PHF24: variants seen among roughly 807,000 people sequenced by gnomAD.
PHF24 encodes Galpha inhibitory interacting protein.
PHF24 carries 25 observed loss-of-function variants against 42.6 expected under a neutral mutation model. The observed-to-expected ratio is 0.59, with a 90% CI of 0.43 to 0.82. The LOEUF is 0.82. Among genes scored for constraint, PHF24 ranks in the 40% least tolerant of loss-of-function variants. PHF24 has a pLI of 0.00. For synonymous variants in PHF24, 185 were observed against 204.8 expected, an observed-to-expected ratio of 0.90 and a Z score of 0.83; for missense variants, 470 against 538.1, an observed-to-expected ratio of 0.87 and a Z score of 1.25.
chr9:34,785,572 G>A, the PHF24 span, among the ~76,000 whole-genome samples: 6 of 152,108 alleles, frequency 3.9e-5, no homozygotes, highest in Non-Finnish European at 8.8e-5. Context: ...ATAAGTTTGT[G>A]TTTTTCCAAG....
At chr9:34,747,722 T>G in the PHF24 span, among the ~76,000 whole-genome samples, 32 of 152,182 alleles carry the variant, frequency 2.1e-4, no homozygotes, top group African/African-American at 7.0e-4. Flanking sequence ...GTACAACCAC[T>G]ATAGAAAACT....
At chr9:34,926,127 C>A in the PHF24 span, among the ~76,000 whole-genome samples, 2 of 152,214 alleles carry the variant, frequency 1.3e-5, no homozygotes, top group African/African-American at 4.8e-5. This position sits in a 1 kb window ranked among gnomAD's most constrained non-coding sequence, Gnocchi z 4.3. Flanking sequence ...GGTGGTGCAA[C>A]TTTGCCAGGG....
the PHF24 span, among the ~76,000 whole-genome samples, chr9:34,848,916 T>C: frequency 6.6e-6 from 1 of 152,086 alleles, no homozygotes; most frequent in Non-Finnish European, 1.5e-5. Context: ...CGGTTTTGAG[T>C]GAGTTTCTTA....
At chr9:34,745,506 C>T in the PHF24 span, among the ~76,000 whole-genome samples, 7 of 151,524 alleles carry the variant, frequency 4.6e-5, no homozygotes, top group South Asian at 6.3e-4. Flanking sequence ...AAAATACTGA[C>T]GGGAATGATG....
At chr9:34,833,830 A>T in the PHF24 span, 2 of 1,551,456 alleles carry the variant, frequency 1.3e-6, no homozygotes. Context: ...TCTAAATCAG[A>T]GGCTCTGCTG....
At chr9:34,737,842 G>T in the PHF24 span, among the ~76,000 whole-genome samples, 1 of 152,162 alleles carries the variant, frequency 6.6e-6, no homozygotes, top group Non-Finnish European at 1.5e-5. Flanking sequence ...GTCATCATGA[G>T]ATGGTGTCTG....
chr9:34,728,197 G>A, the PHF24 span: 1 of 882,762 alleles, frequency 1.1e-6, no homozygotes, highest in Non-Finnish European at 1.7e-6. Context: ...ATCCTGAAAA[G>A]TCCGTACTCT....
the PHF24 span, among the ~76,000 whole-genome samples, chr9:34,737,302 CT>C: frequency 1.3e-5 from 2 of 152,152 alleles, no homozygotes; most frequent in Non-Finnish European, 2.9e-5. Context: ...AATATGTGAC[CT>C]TTTGCACCTG....
the PHF24 span, among the ~76,000 whole-genome samples, chr9:34,866,210 AAT>A: frequency 6.6e-5 from 10 of 152,190 alleles, no homozygotes; most frequent in Non-Finnish European, 1.3e-4. Context: ...TCTTTGGAAT[AAT>A]GATAATTCTT....
At chr9:34,731,944 G>A in the PHF24 span, among the ~76,000 whole-genome samples, 4 of 151,692 alleles carry the variant, frequency 2.6e-5, no homozygotes, top group Non-Finnish European at 5.9e-5. Flanking sequence ...TCAACCTCCT[G>A]GACTCAAGCA....
chr9:34,892,999 G>A, the PHF24 span: 4 of 776,440 alleles, frequency 5.2e-6, no homozygotes, highest in African/African-American at 5.1e-5. Context: ...GGCAAGAGGA[G>A]CCCTGTGATG....
At position 34,976,669 on chromosome 9, in the gene PHF24, C is replaced by T; in HGVS notation, c.778C>T (p.Arg260Ter). 6.2e-7 allele frequency: 1 copy of T among 1,614,178 alleles called. No individual in the cohort carries two copies. Residue 260 changes from arginine to a stop codon, truncating the protein, a stop_gained, in exon 5 of 8, where the codon CGA becomes TGA. Transcript: ENST00000242315. LOFTEE classifies it high-confidence loss of function. ...GTTTGCTGCCCTGGACCCTGAACAT[C>T]GAGGCCACATAGAGTGGCCTGACTT...
chr9:34,757,754 T>C, the PHF24 span, among the ~76,000 whole-genome samples: 39 of 152,290 alleles, frequency 2.6e-4, no homozygotes, highest in South Asian at 3.7e-3. Context: ...TAGGCTGTAA[T>C]AGTTTATGGA....
In PHF24 at chr9:34,976,276, T is replaced by G. The variant is rs761955797; in HGVS notation, c.643+46T>G. 55 of 1,484,424 alleles carry G rather than the reference T, an allele frequency of 3.7e-5. No individual in the cohort carries two copies. The Middle Eastern group carries it at 2.5e-3, about 68-fold the overall frequency. The allele number at this position is 1,484,424 out of a possible 1,614,324, so 92.0% of individuals were successfully genotyped here. The stretch of plus-strand genomic sequence containing the variant: ...ATGGATGGAGAGGGGCCGGGCAGAT[T>G]TCTCCTTCAGGCTTTCTAGAATGAA... On this transcript the variant is annotated intron_variant, in intron 4 of 7. Coordinates refer to ENST00000242315, the Ensembl canonical transcript of PHF24.
intron 6 of PHF24, 45 bp downstream of exon 6, chr9:34,977,288 C>T (rs1269760079): frequency 1.3e-6 from 2 of 1,539,822 alleles, no homozygotes; most frequent in African/African-American, 2.7e-5. Flanking sequence ...CTCTCCTCCT[C>T]CCTTTTCCAT....
chr9:34,820,826 G>A, the PHF24 span, among the ~76,000 whole-genome samples: 3 of 152,148 alleles, frequency 2.0e-5, no homozygotes, highest in Admixed American at 2.0e-4. Flanking sequence ...TTTCCACATG[G>A]CTCAACTAAT....
chr9:34,749,925 T>C, the PHF24 span, among the ~76,000 whole-genome samples: 1 of 152,040 alleles, frequency 6.6e-6, no homozygotes, highest in African/African-American at 2.4e-5. Flanking sequence ...GAGAGAATAA[T>C]ATGACATATT....
the PHF24 span, among the ~76,000 whole-genome samples, chr9:34,738,816 C>T: frequency 8.0e-3 from 1,218 of 152,248 alleles, 12 homozygotes; most frequent in Admixed American, 0.025. Context: ...TCCTGCCCTT[C>T]GGTAAGAAGT....
chr9:34,903,980 C>T, the PHF24 span, among the ~76,000 whole-genome samples: 3 of 152,234 alleles, frequency 2.0e-5, no homozygotes, highest in Non-Finnish European at 2.9e-5. Context: ...TGATTCTCCG[C>T]TTGGTCACTG....
Sources: allele counts gnomAD v4.1 joint callset (sites outside exome capture counted in the v4.1 genomes callset), GRCh38; gene constraint gnomAD v4.1.1; non-coding constraint Gnocchi (gnomAD v3.1); transcripts MANE v1.5; gene names NCBI Gene and HGNC (gene_info 2026-07-23, HGNC 2026-07-21).